Variants in FTO observed in about 807,000 individuals in gnomAD.
FTO encodes FTO alpha-ketoglutarate dependent dioxygenase.
Under a neutral mutation model 63.9 loss-of-function variants are expected in FTO, and 47 were observed. That is an observed-to-expected ratio of 0.74 (90% CI 0.58 to 0.94). The LOEUF is 0.94. Ranked by LOEUF, FTO falls within the 40% of genes least tolerant of loss-of-function variation. The pLI is 0.00. For synonymous variants in FTO, 207 were observed against 224.4 expected (o/e 0.92, Z 0.69); for missense variants, 562 against 618.1 (o/e 0.91, Z 0.96).
chr16:53,859,765 T>G (rs2080117451), intron 4 of FTO, among the ~76,000 whole-genome samples: 1 of 152,114 alleles, frequency 6.6e-6, no homozygotes, highest in South Asian at 2.1e-4. Flanking sequence ...ACAATAACTA[T>G]TATACAATAG....
intron 8 of FTO, among the ~76,000 whole-genome samples, chr16:54,081,267 T>C (rs1364078003): frequency 6.6e-6 from 1 of 152,204 alleles, no homozygotes; most frequent in Non-Finnish European, 1.5e-5. Context: ...GTTACAGCCC[T>C]ACCCCCTTTC....
chr16:53,829,725 C>G (rs1567337074), intron 3 of FTO, among the ~76,000 whole-genome samples: 1 of 152,114 alleles, frequency 6.6e-6, no homozygotes, highest in Non-Finnish European at 1.5e-5. Context: ...AAAGATAAAT[C>G]AATGGCTTTC....
chr16:53,869,541 G>GTTTTTTTTTTTTTTTTTTTTTTTT (rs35983302), intron 4 of FTO, among the ~76,000 whole-genome samples: 1 of 125,226 alleles, frequency 8.0e-6, no homozygotes, highest in African/African-American at 3.0e-5. Context: ...CCATAGTTCT[G>GTTTTTTTTTTTTTTTTTTTTTTTT]TTTTTTTTTT....
intron 7 of FTO, among the ~76,000 whole-genome samples, chr16:53,898,650 T>C (rs2081331304): frequency 1.3e-5 from 2 of 152,224 alleles, no homozygotes; most frequent in Non-Finnish European, 2.9e-5. Flanking sequence ...GTTCTAGTCC[T>C]GCCTTTTCCT....
At chr16:54,094,533 C>G (rs2086469353) in intron 8 of FTO, among the ~76,000 whole-genome samples, 1 of 152,230 alleles carries the variant, frequency 6.6e-6, no homozygotes, top group South Asian at 2.1e-4. Context: ...CTTCCTCAGC[C>G]TGAATTCACG....
intron 1 of FTO, among the ~76,000 whole-genome samples, chr16:53,793,537 A>T (rs1255615088): frequency 6.6e-6 from 1 of 152,218 alleles, no homozygotes; most frequent in East Asian, 1.9e-4. Flanking sequence ...TATTTGGAAA[A>T]CTATGAGTTA....
At chr16:53,919,145 T>C (rs550847447) in intron 7 of FTO, among the ~76,000 whole-genome samples, 62 of 152,336 alleles carry the variant, frequency 4.1e-4, no homozygotes, top group African/African-American at 1.4e-3. Context: ...TTACTTAACC[T>C]TTCTGAGTCT....
intron 8 of FTO, among the ~76,000 whole-genome samples, chr16:54,003,765 G>A (rs1277813697): frequency 1.3e-5 from 2 of 152,040 alleles, no homozygotes; most frequent in Non-Finnish European, 2.9e-5. Flanking sequence ...TTAACCTATG[G>A]TTGACAGCCT....
At chr16:53,877,039 C>T (rs1328359614) in intron 5 of FTO, among the ~76,000 whole-genome samples, 1 of 152,238 alleles carries the variant, frequency 6.6e-6, no homozygotes, top group African/African-American at 2.4e-5. Flanking sequence ...TAACATTTCA[C>T]ACTCACTAGG....
intron 7 of FTO, among the ~76,000 whole-genome samples, chr16:53,897,777 T>C (rs2081309739): frequency 6.6e-6 from 1 of 152,190 alleles, no homozygotes; most frequent in Admixed American, 6.5e-5. Context: ...CAGTAATAAA[T>C]ATCTCAAAGG....
chr16:53,930,221 CTTTTTTTTTTTTTT>C (rs1014205147), intron 7 of FTO, among the ~76,000 whole-genome samples: 1 of 75,692 alleles, frequency 1.3e-5, no homozygotes, highest in Admixed American at 1.5e-4. Context: ...TGATTATCTT[CTTTTTTTTTTTTTT>C]TTTTTTTTTT....
At chr16:53,795,536 C>G (rs929657666) in intron 1 of FTO, among the ~76,000 whole-genome samples, 1 of 152,096 alleles carries the variant, frequency 6.6e-6, no homozygotes, top group Non-Finnish European at 1.5e-5. Context: ...AACTCCTAGG[C>G]TCAAGCCATC....
intron 8 of FTO, among the ~76,000 whole-genome samples, chr16:54,042,131 G>T (rs1444085632): frequency 2.0e-5 from 3 of 151,890 alleles, no homozygotes; most frequent in Admixed American, 6.6e-5. Context: ...GAACAGCTCC[G>T]GTCTACAGCT....
chr16:53,870,086 T>C (rs141782436), intron 4 of FTO, among the ~76,000 whole-genome samples: 2 of 152,268 alleles, frequency 1.3e-5, no homozygotes, highest in African/African-American at 2.4e-5. Context: ...TGCTTCTCAT[T>C]TTCTTTTTTC....
intron 7 of FTO, among the ~76,000 whole-genome samples, chr16:53,895,987 T>G (rs2151917237): frequency 6.6e-6 from 1 of 152,236 alleles, no homozygotes; most frequent in South Asian, 2.1e-4. Context: ...TCGTTAAATA[T>G]ACACACGCAC....
intron 1 of FTO, among the ~76,000 whole-genome samples, chr16:53,778,858 AT>A (rs71863246): frequency 0.023 from 3,300 of 144,064 alleles, 84 homozygotes; most frequent in African/African-American, 0.071. Context: ...GTGATTGTGG[AT>A]TTTTTTTTTT....
intron 1 of FTO, among the ~76,000 whole-genome samples, chr16:53,787,290 T>C (rs906783811): frequency 6.6e-6 from 1 of 151,550 alleles, no homozygotes; most frequent in Non-Finnish European, 1.5e-5. Flanking sequence ...TGAAAATGGC[T>C]CTGATGTTGT....
intron 7 of FTO, among the ~76,000 whole-genome samples, chr16:53,930,221 CT>C (rs1014205147): frequency 0.013 from 982 of 75,630 alleles, 2 homozygotes; most frequent in African/African-American, 0.03. Context: ...TGATTATCTT[CT>C]TTTTTTTTTT....
At chr16:53,751,052 T>C (rs74449711) in intron 1 of FTO, among the ~76,000 whole-genome samples, 1 of 152,192 alleles carries the variant, frequency 6.6e-6, no homozygotes, top group African/African-American at 2.4e-5. Context: ...TTAAAACAGA[T>C]GTGTCCAATC....
Sources: gnomAD v4.1 joint callset for allele counts (sites outside exome capture counted in the v4.1 genomes callset) on GRCh38, gnomAD v4.1.1 for gene constraint, MANE v1.5 for transcripts, NCBI Gene and HGNC (gene_info 2026-07-23, HGNC 2026-07-21) for gene names.